MAP3K3: variants seen among roughly 807,000 people sequenced by gnomAD.
MAP3K3 encodes MAP/ERK kinase kinase 3.
MAP3K3 carries 12 observed loss-of-function variants against 80.9 expected under a neutral mutation model. That is an observed-to-expected ratio of 0.15 (90% CI 0.10 to 0.24). MAP3K3 has a LOEUF of 0.24. Ranked by LOEUF, MAP3K3 falls within the 10% of genes least tolerant of loss-of-function variation. The probability of loss-of-function intolerance (pLI) is 1.00; values close to 1 mark genes in which losing one functional copy is unlikely to be tolerated. For synonymous variants in MAP3K3, 272 were observed against 307.1 expected, an observed-to-expected ratio of 0.89 and a Z score of 1.19; for missense variants, 596 against 834.7, an observed-to-expected ratio of 0.71 and a Z score of 3.52.
chr17:63,667,098 A>T, intron 6 of MAP3K3, 38 bp downstream of exon 6: 5 of 1,545,182 alleles, frequency 3.2e-6, no homozygotes, highest in Non-Finnish European at 4.3e-6. Context: ...CCTCTATTTT[A>T]TCTGCCCACA....
chr17:63,652,535 C>T, intron 3 of MAP3K3, 22 bp from the exon 4 acceptor site: 1 of 1,560,674 alleles, frequency 6.4e-7, no homozygotes, highest in Non-Finnish European at 8.8e-7. Flanking sequence ...ATTAACCAAC[C>T]TTTCTTTCTG....
At chr17:63,688,438 C>A in intron 8 of MAP3K3, 89 bp from the exon 9 acceptor site, 1 of 993,594 alleles carries the variant, frequency 1.0e-6, no homozygotes, top group Non-Finnish European at 1.6e-6. Flanking sequence ...AATGCTGTGG[C>A]AGGGGTTAGA....
chr17:63,685,051 T>TA (rs1381908283), intron 7 of MAP3K3, among the ~76,000 whole-genome samples: 1 of 152,248 alleles, frequency 6.6e-6, no homozygotes, highest in East Asian at 1.9e-4. Flanking sequence ...TAACTAGTTT[T>TA]ATGACTTTAG....
chr17:63,629,279 C>T (rs1040141809), intron 1 of MAP3K3, among the ~76,000 whole-genome samples: 5 of 152,050 alleles, frequency 3.3e-5, no homozygotes, highest in African/African-American at 7.2e-5. Flanking sequence ...CACACCACCA[C>T]GCGCAGTTAA....
chr17:63,681,539 T>G (rs1329663122), intron 6 of MAP3K3, among the ~76,000 whole-genome samples: 1 of 152,124 alleles, frequency 6.6e-6, no homozygotes, highest in Non-Finnish European at 1.5e-5. Flanking sequence ...TGTGTCAAGG[T>G]TTTTTTGGTC....
intron 6 of MAP3K3, among the ~76,000 whole-genome samples, chr17:63,674,607 T>G (rs553770695): frequency 1.4e-4 from 22 of 152,092 alleles, no homozygotes; most frequent in African/African-American, 5.3e-4. Flanking sequence ...CACCTCAGCT[T>G]CCCAAAGTGC....
At chr17:63,668,549 G>A (rs1374134793) in intron 6 of MAP3K3, among the ~76,000 whole-genome samples, 1 of 152,166 alleles carries the variant, frequency 6.6e-6, no homozygotes, top group Non-Finnish European at 1.5e-5. Flanking sequence ...GGATGGAGGT[G>A]GGCAGCATGG....
chr17:63,634,762 A>C (rs2143196780), intron 2 of MAP3K3: 2 of 1,614,160 alleles, frequency 1.2e-6, no homozygotes, highest in South Asian at 2.2e-5. Flanking sequence ...CAGTAACAAC[A>C]AGCTCATGTG....
chr17:63,692,531 C>G lies in MAP3K3; in HGVS notation c.1652+112C>G, dbSNP rs932461938. Reference sequence around the variant, plus strand: ...TGGCAGGAGGGAGTGTGCCCAGGGCCCAGGCTGCAGTGTGTGCAAGGGTAT... The same window carrying G: ...TGGCAGGAGGGAGTGTGCCCAGGGCGCAGGCTGCAGTGTGTGCAAGGGTAT... On this transcript the variant is annotated intron_variant, in intron 15 of 15. Coordinates refer to ENST00000361733, the MANE Select transcript of MAP3K3 (RefSeq NM_002401.5). The surrounding 1 kb of genome is among the most constrained non-coding windows in gnomAD (Gnocchi z 4.5). 6.9e-6 allele frequency: 8 copies of G among 1,157,778 alleles called. No homozygotes were observed. The Admixed American group carries it at 1.7e-4, about 24-fold the overall frequency. 71.7% of individuals were successfully genotyped at this position (1,157,778 alleles called of 1,614,324 possible). A position where few individuals can be genotyped will look rare whatever the true frequency, so the allele number is the denominator to read the frequency against.
intron 6 of MAP3K3, among the ~76,000 whole-genome samples, chr17:63,678,628 AT>A (rs2035268413): frequency 2.0e-5 from 3 of 152,352 alleles, no homozygotes; most frequent in African/African-American, 7.2e-5. Flanking sequence ...CCAAGAAGAG[AT>A]TGGAAGTATT....
In MAP3K3 at chr17:63,652,652, A is replaced by G. The variant is rs750283630; in HGVS notation, c.263A>G (p.Asn88Ser). The G allele has an allele frequency of 4.3e-6, 7 of 1,609,200 alleles. No homozygotes were observed. The highest frequency in any genetic ancestry group is 1.7e-4 in the Middle Eastern group (1 of 6,058). Residue 88 changes from asparagine to serine, a missense_variant, in exon 4 of 16, where the codon AAT (asparagine) becomes AGT (serine). By Grantham distance (46) the Asn-to-Ser change is conservative. Around this residue, in one of 2 missense-constraint regions of MAP3K3, gnomAD observed 232 missense variants for 245.8 expected, o/e 0.94. Transcript: ENST00000361733. The part of the protein sequence containing the change: ...GQPLDLHYMN[N>S]ELSILLKNQD... The stretch of plus-strand genomic sequence containing the variant: ...CCTCTTGATCTACATTACATGAACA[A>G]TGAGGTGAGAAGGCAGATGGATGGG...
intron 2 of MAP3K3, among the ~76,000 whole-genome samples, chr17:63,635,862 G>A (rs1436031038): frequency 6.6e-6 from 1 of 152,190 alleles, no homozygotes; most frequent in Non-Finnish European, 1.5e-5. Context: ...GTGAAGAGTT[G>A]CCAAATTTGG....
At chr17:63,638,742 GAC>G (rs1300775884) in intron 2 of MAP3K3, among the ~76,000 whole-genome samples, 1 of 152,156 alleles carries the variant, frequency 6.6e-6, no homozygotes, top group East Asian at 1.9e-4. Flanking sequence ...ACGCTTCTCA[GAC>G]ACACAAAAGA....
chr17:63,689,810 C>A lies in MAP3K3; in HGVS notation c.1063+75C>A. On this transcript the variant is annotated intron_variant, in intron 11 of 15. Transcript: ENST00000361733. The surrounding 1 kb of genome is among the most constrained non-coding windows in gnomAD (Gnocchi z 4.3). Reference sequence around the variant, plus strand: ...AAGCTACGGGGGCAAACAGCTGGGCCCCTGGGACCCTTAGGCTCAGCAGGT... The same window carrying A: ...AAGCTACGGGGGCAAACAGCTGGGCACCTGGGACCCTTAGGCTCAGCAGGT... 1 of 1,428,252 alleles carries A rather than the reference C, an allele frequency of 7.0e-7. No individual in the cohort carries two copies. Among genetic ancestry groups the A allele is most frequent in the Non-Finnish European group, 9.5e-7 (1 of 1,055,062 alleles). 88.5% of individuals were successfully genotyped at this position (1,428,252 alleles called of 1,614,324 possible).
chr17:63,681,170 G>T (rs184681984), intron 6 of MAP3K3, among the ~76,000 whole-genome samples: 46 of 151,978 alleles, frequency 3.0e-4, no homozygotes, highest in African/African-American at 1.1e-3. Flanking sequence ...TGTGGGAGTG[G>T]GTAGGAATGG....
chr17:63,691,850 C>G lies in MAP3K3; in HGVS notation c.1462C>G (p.Arg488Gly). 2.5e-6 allele frequency: 4 copies of G among 1,614,026 alleles called. No individual in the cohort carries two copies. Among genetic ancestry groups the G allele is most frequent in the Non-Finnish European group, 3.4e-6 (4 of 1,179,956 alleles). ...SYLHSNMIVH[R>G]DIKGANILRD... The stretch of plus-strand genomic sequence containing the variant: ...CCTGCACAGCAACATGATTGTTCAC[C>G]GGGACATTAAGGGTGAGCAGGGCCA... The change falls in exon 14 of 16, where the codon CGG (arginine) becomes GGG (glycine). Residue 488 changes from arginine to glycine, a missense_variant. Physicochemically the swap from Arg to Gly is moderately radical, Grantham distance 125. Around this residue, in one of 2 missense-constraint regions of MAP3K3, gnomAD observed 364 missense variants for 588.9 expected, o/e 0.62. Coordinates refer to ENST00000361733, the MANE Select transcript of MAP3K3 (RefSeq NM_002401.5). This position sits in a 1 kb window ranked among gnomAD's most constrained non-coding sequence, Gnocchi z 4.8.
At chr17:63,662,145 C>T (rs1262938345) in intron 5 of MAP3K3, among the ~76,000 whole-genome samples, 1 of 151,108 alleles carries the variant, frequency 6.6e-6, no homozygotes, top group East Asian at 1.9e-4. Flanking sequence ...GTGGCTCACA[C>T]CTGTAATCTC....
chr17:63,625,729 T>C (rs1447330706), intron 1 of MAP3K3, among the ~76,000 whole-genome samples: 2 of 152,232 alleles, frequency 1.3e-5, no homozygotes, highest in African/African-American at 2.4e-5. Flanking sequence ...AACATGGCTA[T>C]GTCATTACTA....
intron 12 of MAP3K3, 85 bp downstream of exon 12, chr17:63,690,497 C>G: frequency 7.1e-7 from 1 of 1,414,146 alleles, no homozygotes; most frequent in Non-Finnish European, 9.7e-7. Flanking sequence ...GCCTGAGATG[C>G]TGTAGGTTGC....
Sources: gnomAD v4.1 joint callset for allele counts (sites outside exome capture counted in the v4.1 genomes callset) on GRCh38, gnomAD v4.1.1 for gene constraint, gnomAD v4.1.1 regional missense constraint, Gnocchi (gnomAD v3.1) non-coding constraint, MANE v1.5 for transcripts, NCBI Gene and HGNC (gene_info 2026-07-23, HGNC 2026-07-21) for gene names.